Variants in RNF144A observed in about 807,000 individuals in gnomAD.
RNF144A encodes the protein E3 ubiquitin-protein ligase RNF144A.
RNF144A carries 11 observed loss-of-function variants against 38.7 expected under a neutral mutation model. That is an observed-to-expected ratio of 0.28 (90% CI 0.18 to 0.47). The LOEUF (loss-of-function observed/expected upper bound fraction) is 0.47. Ranked by LOEUF, RNF144A falls within the 20% of genes least tolerant of loss-of-function variation. RNF144A has a pLI of 0.99. For synonymous variants in RNF144A, 149 were observed against 143.9 expected (o/e 1.04, Z -0.25); for missense variants, 316 against 377.2 (o/e 0.84, Z 1.34).
chr2:7,002,840 A>G (rs1172348752), intron 3 of RNF144A, among the ~76,000 whole-genome samples: 1 of 152,164 alleles, frequency 6.6e-6, no homozygotes, highest in Non-Finnish European at 1.5e-5. Context: ...ATTGTTGTTA[A>G]TCTCATATGA....
At chr2:6,954,831 G>A (rs1666900298) in intron 2 of RNF144A, among the ~76,000 whole-genome samples, 2 of 152,204 alleles carry the variant, frequency 1.3e-5, no homozygotes, top group Non-Finnish European at 2.9e-5. Flanking sequence ...AAAGAACACA[G>A]CACTGGTAAA....
In RNF144A at chr2:7,042,441, A is replaced by G. The variant is rs1673105258; in HGVS notation, c.*2681A>G. On this transcript the variant is annotated 3_prime_UTR_variant, in exon 9 of 9. Coordinates refer to ENST00000320892, the MANE Select transcript of RNF144A (RefSeq NM_014746.6). ...ACTGCAAGCCCCAGAAGCATATGGC[A>G]TGTGTTCACTAAGAGGCCTTTAATC... 2.3e-5 allele frequency: 23 copies of G among 985,354 alleles called. No homozygotes were observed. Among genetic ancestry groups the G allele is most frequent in the Non-Finnish European group, 2.7e-5 (22 of 829,952 alleles). 61.0% of individuals were successfully genotyped at this position (985,354 alleles called of 1,614,324 possible). A position where few individuals can be genotyped will look rare whatever the true frequency, so the allele number is the denominator to read the frequency against.
In RNF144A at chr2:6,970,636, A is replaced by G. The variant is rs1045511659; in HGVS notation, c.-11-26280A>G. On this transcript the variant is annotated intron_variant, in intron 2 of 8. Coordinates refer to ENST00000320892, the MANE Select transcript of RNF144A (RefSeq NM_014746.6). ...TGGTACCATTTTCCTCATTTTATACAGGAGAAAACTGAGGCCTGGAGAGGG... is the reference window on the plus strand; with the variant it reads ...TGGTACCATTTTCCTCATTTTATACGGGAGAAAACTGAGGCCTGGAGAGGG... Among the ~76,000 whole-genome samples, 27 of 152,330 alleles carry G rather than the reference A, an allele frequency of 1.8e-4. 1 individual carries two copies. The highest frequency in any genetic ancestry group is 3.4e-3 in the Middle Eastern group (1 of 294).
Position 7,000,384 on chromosome 2 carries a change from C to T in RNF144A, c.135+3323C>T, listed in dbSNP as rs116660144. 6.4e-3 allele frequency among the ~76,000 whole-genome samples: 970 copies of T among 152,282 alleles called. 7 individuals are homozygous for T. The highest frequency in any genetic ancestry group is 0.02 in the African/African-American group (833 of 41,558). On this transcript the variant is annotated intron_variant, in intron 3 of 8. Coordinates refer to ENST00000320892, the MANE Select transcript of RNF144A (RefSeq NM_014746.6). ...GACACGTATTTTGAAATCAGGCTGC[C>T]GTTACCCACCATGAGGGCCAATCCC...
At chr2:6,945,985 G>T (rs961064911) in intron 2 of RNF144A, among the ~76,000 whole-genome samples, 4 of 152,146 alleles carry the variant, frequency 2.6e-5, no homozygotes, top group African/African-American at 9.7e-5. Context: ...TGGGCAGGGA[G>T]AACCATTCAG....
chr2:6,993,050 G>T (rs535543751), intron 2 of RNF144A, among the ~76,000 whole-genome samples: 1 of 152,338 alleles, frequency 6.6e-6, no homozygotes, highest in African/African-American at 2.4e-5. Flanking sequence ...CTGATTGCAA[G>T]TTCGCAGCTG....
chr2:6,960,374 C>A (rs1431479150), intron 2 of RNF144A, among the ~76,000 whole-genome samples: 1 of 152,178 alleles, frequency 6.6e-6, no homozygotes, highest in African/African-American at 2.4e-5. Flanking sequence ...TGGCTTCTGA[C>A]ATTTGAAAGG....
rs570448190 is a variant in RNF144A, at chr2:7,009,552, A to G, written c.136-4902A>G. Among the ~76,000 whole-genome samples the G allele has an allele frequency of 2.2e-3, 331 of 151,426 alleles. 1 individual carries two copies. The highest frequency in any genetic ancestry group is 7.4e-3 in the African/African-American group (305 of 41,296). On this transcript the variant is annotated intron_variant, in intron 3 of 8. Transcript: ENST00000320892. ...GCTTTTTTTTTTTCAAGAACCTTAT[A>G]AAAACAAACTTTATAATTTGAACTC...
At chr2:7,037,515 C>T (rs1460525155) in intron 8 of RNF144A, among the ~76,000 whole-genome samples, 2 of 152,210 alleles carry the variant, frequency 1.3e-5, no homozygotes, top group South Asian at 4.1e-4. Context: ...TAAAGCACAA[C>T]CTGAATTCAC....
rs1208867909 is a variant in RNF144A, at chr2:6,944,414, C to T, written c.-12+3267C>T. ...ATCTTCCCCTCCACTTACCCGATTG[C>T]CTACTTACCCCTTTGGTGATACTGG... On this transcript the variant is annotated intron_variant, in intron 2 of 8. Coordinates refer to ENST00000320892, the MANE Select transcript of RNF144A (RefSeq NM_014746.6). This position sits in a 1 kb window ranked among gnomAD's most constrained non-coding sequence, Gnocchi z 4.7. Among the ~76,000 whole-genome samples the T allele has an allele frequency of 1.3e-5, 2 of 152,022 alleles. No homozygotes were observed. Among genetic ancestry groups the T allele is most frequent in the Admixed American group, 6.5e-5 (1 of 15,268 alleles).
chr2:6,971,472 G>A (rs1356416677), intron 2 of RNF144A, among the ~76,000 whole-genome samples: 1 of 152,212 alleles, frequency 6.6e-6, no homozygotes, highest in Non-Finnish European at 1.5e-5. Flanking sequence ...AGTTAAGACT[G>A]AATAACAAAT....
Position 6,958,467 on chromosome 2 carries a change from G to A in RNF144A, c.-12+17320G>A, listed in dbSNP as rs1017102692. Among the ~76,000 whole-genome samples, 2 of 152,152 alleles carry A rather than the reference G, an allele frequency of 1.3e-5. No individual in the cohort carries two copies. The highest frequency in any genetic ancestry group is 4.8e-5 in the African/African-American group (2 of 41,430). On this transcript the variant is annotated intron_variant, in intron 2 of 8. Coordinates refer to ENST00000320892, the MANE Select transcript of RNF144A (RefSeq NM_014746.6). This position sits in a 1 kb window ranked among gnomAD's most constrained non-coding sequence, Gnocchi z 4.5. ...GCCAGATGTCTTAGTGATTCATGGT[G>A]CTCTCAGCATAGACCTTGAGCAATA...
rs139146295 is a variant in RNF144A, at chr2:6,970,051, C to T, written c.-11-26865C>T. Among the ~76,000 whole-genome samples, 800 of 152,320 alleles carry T rather than the reference C, an allele frequency of 5.3e-3. 3 individuals carry two copies. Among genetic ancestry groups the T allele is most frequent in the African/African-American group, 0.018 (735 of 41,562 alleles). On this transcript the variant is annotated intron_variant, in intron 2 of 8. Transcript: ENST00000320892. ...CTGGGATTACAGGCGTAAGCCACCG[C>T]GCCTGGCCAAATCTTTTATAAAATT...
downstream of RNF144A, among the ~76,000 whole-genome samples, chr2:7,045,453 A>G (rs182187417): frequency 1.3e-3 from 194 of 152,262 alleles, 1 homozygote; most frequent in Middle Eastern, 3.4e-3. Flanking sequence ...ACTTCCTGGT[A>G]CTGCTGGCAG....
chr2:6,951,329 C>A (rs532588132), intron 2 of RNF144A, among the ~76,000 whole-genome samples: 18 of 150,588 alleles, frequency 1.2e-4, no homozygotes, highest in Non-Finnish European at 2.4e-4. Context: ...TTGCCCACCT[C>A]TGTGTCAATG....
chr2:7,040,839 C>G lies in RNF144A; in HGVS notation c.*1079C>G. 1 of 985,432 alleles carries G rather than the reference C, an allele frequency of 1.0e-6. No individual in the cohort carries two copies. The highest frequency in any genetic ancestry group is 1.2e-6 in the Non-Finnish European group (1 of 829,920). 61.0% of individuals were successfully genotyped at this position (985,432 alleles called of 1,614,324 possible). A position where few individuals can be genotyped will look rare whatever the true frequency, so the allele number is the denominator to read the frequency against. On this transcript the variant is annotated 3_prime_UTR_variant, in exon 9 of 9. Transcript: ENST00000320892. The stretch of plus-strand genomic sequence containing the variant: ...ATTTTGAGAAATCATATATCTTACA[C>G]AGTTCCAAGTCCTGTTGCTAACCGT...
intron 1 of RNF144A, among the ~76,000 whole-genome samples, chr2:6,922,987 T>C (rs1394085677): frequency 6.6e-6 from 1 of 152,170 alleles, no homozygotes; most frequent in African/African-American, 2.4e-5. Context: ...ATCTGGTGGG[T>C]TGCAGGAGTC....
At chr2:7,061,792 G>C (rs776787969) in intron 6 of RNF144A, among the ~76,000 whole-genome samples, 5 of 152,172 alleles carry the variant, frequency 3.3e-5, no homozygotes, top group Admixed American at 6.5e-5. Context: ...AAGGAGGGAT[G>C]AATACTTTGT....
intron 6 of RNF144A, among the ~76,000 whole-genome samples, chr2:7,061,797 C>T (rs1673967003): frequency 6.6e-6 from 1 of 152,100 alleles, no homozygotes; most frequent in Non-Finnish European, 1.5e-5. Flanking sequence ...GGGATGAATA[C>T]TTTGTTGAGT....
Sources: gnomAD v4.1 joint callset for allele counts (sites outside exome capture counted in the v4.1 genomes callset) on GRCh38, gnomAD v4.1.1 for gene constraint, Gnocchi (gnomAD v3.1) non-coding constraint, MANE v1.5 for transcripts, NCBI Gene and HGNC (gene_info 2026-07-23, HGNC 2026-07-21) for gene names.